Variants in HECW1 observed in about 807,000 individuals in gnomAD.
The protein encoded by HECW1 is HECT, C2 and WW domain containing E3 ubiquitin protein ligase 1, also known as E3 ubiquitin-protein ligase HECW1.
HECW1 carries 61 observed loss-of-function variants against 182.3 expected under a neutral mutation model. The observed-to-expected ratio is 0.33, with a 90% CI of 0.27 to 0.41. HECW1 has a LOEUF of 0.41. Ranked by LOEUF, HECW1 falls within the 10% of genes least tolerant of loss-of-function variation. The pLI, the probability that HECW1 is intolerant of heterozygous loss-of-function variation, is 1.00. For synonymous variants in HECW1, 859 were observed against 832.6 expected (o/e 1.03, Z -0.55); for missense variants, 1,739 against 2,108.9 (o/e 0.82, Z 3.44).
chr7:43,507,323 C>G, intron 22 of HECW1, 66 bp downstream of exon 22: 1 of 1,493,356 alleles, frequency 6.7e-7, no homozygotes, highest in Non-Finnish European at 9.1e-7. Flanking sequence ...CTCCCCTACA[C>G]CCTTGTAATA....
intron 3 of HECW1, among the ~76,000 whole-genome samples, chr7:43,279,289 C>CT (rs907101308): frequency 6.6e-6 from 1 of 151,908 alleles, no homozygotes; most frequent in East Asian, 1.9e-4. Context: ...TCTCTGTGTC[C>CT]TTTTTTTTAG....
At chr7:43,135,099 G>C (rs1389286471) in intron 2 of HECW1, among the ~76,000 whole-genome samples, 1 of 152,032 alleles carries the variant, frequency 6.6e-6, no homozygotes, top group Non-Finnish European at 1.5e-5. Flanking sequence ...GTTATAGGCT[G>C]TTATCTATCT....
At chr7:43,466,682 A>G (rs2077794446) in intron 15 of HECW1, 114 bp downstream of exon 15, 5 of 1,185,852 alleles carry the variant, frequency 4.2e-6, no homozygotes, top group Middle Eastern at 3.0e-4. Context: ...AGCAAGAAAA[A>G]ACAAAGAAAA....
At chr7:43,331,281 T>C (rs1339429552) in intron 5 of HECW1, among the ~76,000 whole-genome samples, 1 of 152,088 alleles carries the variant, frequency 6.6e-6, no homozygotes, top group Non-Finnish European at 1.5e-5. Flanking sequence ...TGATGGTTTC[T>C]AGCTTCATCC....
chr7:43,192,238 C>T (rs1046300026), intron 2 of HECW1, among the ~76,000 whole-genome samples: 22 of 152,130 alleles, frequency 1.4e-4, no homozygotes, highest in East Asian at 1.9e-4. Context: ...CGATTACAGG[C>T]GTGAGCCACC....
intron 3 of HECW1, among the ~76,000 whole-genome samples, chr7:43,265,355 C>T (rs1222465430): frequency 1.3e-5 from 2 of 152,188 alleles, no homozygotes; most frequent in Non-Finnish European, 2.9e-5. Flanking sequence ...CTCCTAACCA[C>T]AGCGGGCCAG....
At chr7:43,400,215 A>C (rs2075361374) in intron 7 of HECW1, among the ~76,000 whole-genome samples, 1 of 152,214 alleles carries the variant, frequency 6.6e-6, no homozygotes, top group Admixed American at 6.5e-5. Flanking sequence ...CAGGCTGGGC[A>C]ACAGAGCAAG....
At position 43,201,140 on chromosome 7, in the gene HECW1, T is replaced by A. The variant is rs531632428; in HGVS notation, c.-31-42735T>A. Reference sequence around the variant, plus strand: ...TTGCTCTAGGCTGGACTCAAATCCATCACACACTGGTCCTTGGTGTTCCTT... The same window carrying A: ...TTGCTCTAGGCTGGACTCAAATCCAACACACACTGGTCCTTGGTGTTCCTT... On this transcript the variant is annotated intron_variant, in intron 2 of 29. Transcript: ENST00000395891. 4.6e-5 allele frequency among the ~76,000 whole-genome samples: 7 copies of A among 152,286 alleles called. No individual in the cohort carries two copies. The East Asian group carries it at 1.4e-3, about 29-fold the overall frequency.
At chr7:43,547,744 C>T (rs1357264675) in intron 26 of HECW1, among the ~76,000 whole-genome samples, 4 of 152,132 alleles carry the variant, frequency 2.6e-5, no homozygotes, top group Non-Finnish European at 2.9e-5. Flanking sequence ...ATCTATGGTG[C>T]CTATCAAGTA....
chr7:43,451,723 G>T (rs182186896), intron 12 of HECW1, among the ~76,000 whole-genome samples: 1 of 152,242 alleles, frequency 6.6e-6, no homozygotes, highest in East Asian at 1.9e-4. Context: ...TGATACCCCA[G>T]ACATTATATA....
chr7:43,482,594 A>G (rs771621382), intron 17 of HECW1, among the ~76,000 whole-genome samples: 16 of 152,322 alleles, frequency 1.1e-4, no homozygotes, highest in Middle Eastern at 3.4e-3. Flanking sequence ...AAAGAAGCCA[A>G]GGAAAAGTAT....
chr7:43,514,864 G>A (rs112611846), intron 24 of HECW1, among the ~76,000 whole-genome samples: 74 of 152,200 alleles, frequency 4.9e-4, no homozygotes, highest in Non-Finnish European at 8.2e-4. Flanking sequence ...TTTTACAGAT[G>A]AGGAAAATGA....
chr7:43,333,477 T>G (rs988721380), intron 5 of HECW1, among the ~76,000 whole-genome samples: 1 of 152,234 alleles, frequency 6.6e-6, no homozygotes, highest in Non-Finnish European at 1.5e-5. Flanking sequence ...GTATTACTTA[T>G]TCCCTACAGA....
chr7:43,444,771 G>T lies in HECW1; in HGVS notation c.1599G>T (p.Arg533Ser), dbSNP rs1299103607. The change falls in exon 11 of 30, where the codon AGG becomes AGT. Residue 533 changes from arginine to serine, a missense_variant. Physicochemically the swap from Arg to Ser is moderately radical, Grantham distance 110. This residue lies in a region of HECW1 where 971 missense variants were observed against 1,029.1 expected (regional missense o/e 0.94). Coordinates refer to ENST00000395891, the MANE Select transcript of HECW1 (RefSeq NM_015052.5). The surrounding 1 kb of genome is among the most constrained non-coding windows in gnomAD (Gnocchi z 4.3). Reference sequence around the variant, plus strand: ...GGGCCTCGGTGAAGAGAAAAAGCAGGCCCTGCTCCTTGCCTGTGTCCGAGC... The same window carrying T: ...GGGCCTCGGTGAAGAGAAAAAGCAGTCCCTGCTCCTTGCCTGTGTCCGAGC... The part of the protein sequence containing the change: ...QLRASVKRKS[R>S]PCSLPVSELE... 6.2e-7 allele frequency: 1 copy of T among 1,614,100 alleles called. No individual in the cohort carries two copies. The highest frequency in any genetic ancestry group is 2.2e-5 in the East Asian group (1 of 44,870).
At chr7:43,170,671 A>G (rs1419069730) in intron 2 of HECW1, among the ~76,000 whole-genome samples, 1 of 152,202 alleles carries the variant, frequency 6.6e-6, no homozygotes, top group African/African-American at 2.4e-5. Context: ...GTATTAACAG[A>G]AAGCAAATTC....
At chr7:43,521,305 G>A (rs185851924) in intron 24 of HECW1, among the ~76,000 whole-genome samples, 13 of 152,194 alleles carry the variant, frequency 8.5e-5, no homozygotes, top group African/African-American at 1.7e-4. Flanking sequence ...GCACCACCAC[G>A]ATCACCCCCA....
At chr7:43,426,128 A>T (rs768346008) in intron 8 of HECW1, among the ~76,000 whole-genome samples, 1 of 152,184 alleles carries the variant, frequency 6.6e-6, no homozygotes, top group African/African-American at 2.4e-5. Context: ...TTGACCAATC[A>T]TGGGGCACTT....
intron 9 of HECW1, chr7:43,440,700 T>C (rs550938808): frequency 6.6e-6 from 1 of 152,380 alleles, no homozygotes; most frequent in Non-Finnish European, 1.5e-5. Flanking sequence ...AATTAAGTTT[T>C]GGGTTCGGGA....
At chr7:43,371,845 G>C (rs2074115785) in intron 6 of HECW1, among the ~76,000 whole-genome samples, 1 of 152,152 alleles carries the variant, frequency 6.6e-6, no homozygotes, top group Non-Finnish European at 1.5e-5. Context: ...TTGAGACAGA[G>C]TTTCGTTCTT....
Sources: gnomAD v4.1 joint callset for allele counts (sites outside exome capture counted in the v4.1 genomes callset) on GRCh38, gnomAD v4.1.1 for gene constraint, gnomAD v4.1.1 regional missense constraint, Gnocchi (gnomAD v3.1) non-coding constraint, MANE v1.5 for transcripts, NCBI Gene and HGNC (gene_info 2026-07-23, HGNC 2026-07-21) for gene names.